The following PLPPR5 variants were observed in gnomAD, a reference collection of about 807,000 sequenced individuals.
PLPPR5 encodes phospholipid phosphatase-related protein type 5.
In PLPPR5, 16 loss-of-function variants were observed where a neutral mutation model predicts 33.9. The observed-to-expected ratio is 0.47, with a 90% CI of 0.32 to 0.72. The LOEUF is 0.72. Among genes scored for constraint, PLPPR5 ranks in the 30% least tolerant of loss-of-function variants. The pLI is 0.03. For synonymous variants in PLPPR5, 163 were observed against 150.3 expected, an observed-to-expected ratio of 1.08 and a Z score of -0.62; for missense variants, 301 against 406.7, an observed-to-expected ratio of 0.74 and a Z score of 2.23.
At chr1:98,947,095 C>T (rs529034896) in intron 3 of PLPPR5, among the ~76,000 whole-genome samples, 8 of 152,274 alleles carry the variant, frequency 5.3e-5, no homozygotes, top group African/African-American at 1.9e-4. Flanking sequence ...CCCAAGCCGA[C>T]GTTTGCTAAC....
At chr1:99,003,020 T>A (rs1463852680) in intron 1 of PLPPR5, among the ~76,000 whole-genome samples, 28 of 142,958 alleles carry the variant, frequency 2.0e-4, no homozygotes, top group African/African-American at 6.5e-4. Flanking sequence ...GAAGGCTGGA[T>A]TTGGGGCTTC....
intron 2 of PLPPR5, among the ~76,000 whole-genome samples, chr1:98,955,761 A>C (rs1650981956): frequency 6.6e-6 from 1 of 152,076 alleles, no homozygotes; most frequent in African/African-American, 2.4e-5. Context: ...TATGAGAACT[A>C]TGTTGAAGAG....
At position 98,932,489 on chromosome 1, in the gene PLPPR5, T is replaced by C. The variant is rs938527652; in HGVS notation, c.622-10431A>G. The stretch of plus-strand genomic sequence containing the variant: ...GGGCTTGTGTATATCACACTGCTTA[T>C]ATATAATTAGAACAAAAATATATAC... On this transcript the variant is annotated intron_variant, in intron 3 of 5. Coordinates refer to ENST00000263177, the MANE Select transcript of PLPPR5 (RefSeq NM_001037317.2). Among the ~76,000 whole-genome samples, 16 of 152,242 alleles carry C rather than the reference T, an allele frequency of 1.1e-4. 1 individual carries two copies. The highest frequency in any genetic ancestry group is 2.1e-4 in the Non-Finnish European group (14 of 68,038).
intron 3 of PLPPR5, among the ~76,000 whole-genome samples, chr1:98,932,169 T>A (rs1649999991): frequency 6.6e-6 from 1 of 152,202 alleles, no homozygotes; most frequent in Non-Finnish European, 1.5e-5. Context: ...ATGACAAGAA[T>A]CAAGATGTTC....
intron 5 of PLPPR5, among the ~76,000 whole-genome samples, chr1:98,908,882 T>C (rs1211639565): frequency 6.6e-6 from 1 of 152,130 alleles, no homozygotes; most frequent in Non-Finnish European, 1.5e-5. Flanking sequence ...TAAATTACCC[T>C]GGGGGAGTTT....
At chr1:98,933,358 C>A (rs1206079121) in intron 3 of PLPPR5, among the ~76,000 whole-genome samples, 1 of 151,816 alleles carries the variant, frequency 6.6e-6, no homozygotes, top group African/African-American at 2.4e-5. Flanking sequence ...TGGCGCGTGC[C>A]TGTAGTCCCA....
chr1:98,976,052 G>A (rs899310347), intron 1 of PLPPR5, among the ~76,000 whole-genome samples: 1 of 134,170 alleles, frequency 7.5e-6, no homozygotes, highest in Non-Finnish European at 1.5e-5. Context: ...CCTGCAATCT[G>A]TAAGGCACGT....
intron 1 of PLPPR5, among the ~76,000 whole-genome samples, chr1:98,965,267 A>T (rs1168343960): frequency 6.6e-6 from 1 of 152,102 alleles, no homozygotes; most frequent in African/African-American, 2.4e-5. Context: ...CACCCCACTG[A>T]CAGACCTTCT....
intron 1 of PLPPR5, among the ~76,000 whole-genome samples, chr1:98,974,666 G>GA (rs1468101375): frequency 6.6e-6 from 1 of 151,970 alleles, no homozygotes; most frequent in Non-Finnish European, 1.5e-5. Context: ...ACTGAGGCAG[G>GA]AGAAAGTTAT....
intron 3 of PLPPR5, 43 bp downstream of exon 3, chr1:98,953,027 C>T: frequency 6.2e-7 from 1 of 1,602,950 alleles, no homozygotes. Context: ...GAAAAATTAA[C>T]AATAATACAG....
At chr1:98,933,267 C>T (rs545268617) in intron 3 of PLPPR5, among the ~76,000 whole-genome samples, 40 of 151,534 alleles carry the variant, frequency 2.6e-4, no homozygotes, top group African/African-American at 9.2e-4. Context: ...GGGTGGATCA[C>T]AGTCAGGAGA....
chr1:98,933,732 T>C (rs1436447798), intron 3 of PLPPR5, among the ~76,000 whole-genome samples: 1 of 152,056 alleles, frequency 6.6e-6, no homozygotes. Flanking sequence ...AGCCAGAGAA[T>C]GTTGGTTGAT....
rs191011440 is a variant in PLPPR5 at position 98,905,692 on chromosome 1, C to G, written c.933+9094G>C. Among the ~76,000 whole-genome samples the G allele has an allele frequency of 1.0e-3, 152 of 152,216 alleles. 1 individual carries two copies. The highest frequency in any genetic ancestry group is 3.5e-3 in the African/African-American group (146 of 41,550). ...TTACTTTATTTTACCACAGTTAAAT[C>G]TAATTAAGTTTTATATTTAAATGGT... On this transcript the variant is annotated intron_variant, in intron 5 of 5. Transcript: ENST00000263177.
At chr1:98,972,158 C>T (rs1651684927) in intron 1 of PLPPR5, among the ~76,000 whole-genome samples, 2 of 152,064 alleles carry the variant, frequency 1.3e-5, no homozygotes, top group Admixed American at 1.3e-4. Context: ...CCCAAGCTCC[C>T]CTTGGTACTA....
At chr1:98,897,709 A>G (rs573827934) in intron 5 of PLPPR5, among the ~76,000 whole-genome samples, 1 of 152,280 alleles carries the variant, frequency 6.6e-6, no homozygotes, top group Non-Finnish European at 1.5e-5. Context: ...TTTGCAGTCA[A>G]GTCATCTGAA....
intron 3 of PLPPR5, among the ~76,000 whole-genome samples, chr1:98,950,542 T>C (rs1440664062): frequency 1.3e-5 from 2 of 152,162 alleles, no homozygotes; most frequent in African/African-American, 2.4e-5. Flanking sequence ...TAAACAATAA[T>C]ACTGTCTCCT....
At chr1:98,972,155 T>A (rs1246269155) in intron 1 of PLPPR5, among the ~76,000 whole-genome samples, 1 of 152,032 alleles carries the variant, frequency 6.6e-6, no homozygotes, top group African/African-American at 2.4e-5. Context: ...CTTCCCAAGC[T>A]CCCCTTGGTA....
chr1:98,998,056 A>G (rs923280969), intron 1 of PLPPR5, among the ~76,000 whole-genome samples: 1 of 152,110 alleles, frequency 6.6e-6, no homozygotes, highest in Non-Finnish European at 1.5e-5. Flanking sequence ...CCATCTCCTT[A>G]GCAGTATGCA....
At chr1:99,004,055 A>G (rs1390872453) in intron 1 of PLPPR5, among the ~76,000 whole-genome samples, 1 of 152,046 alleles carries the variant, frequency 6.6e-6, no homozygotes, top group Admixed American at 6.5e-5. Context: ...TCTTCCAGGC[A>G]CAATCGAAGA....
Sources: gnomAD v4.1 joint callset for allele counts (sites outside exome capture counted in the v4.1 genomes callset) on GRCh38, gnomAD v4.1.1 for gene constraint, MANE v1.5 for transcripts, NCBI Gene and HGNC (gene_info 2026-07-23, HGNC 2026-07-21) for gene names.